Variants in PTPRT observed in about 807,000 individuals in gnomAD.
The protein encoded by PTPRT is receptor-type tyrosine-protein phosphatase T.
Under a neutral mutation model 176.8 loss-of-function variants are expected in PTPRT, and 56 were observed. The observed-to-expected ratio is 0.32, with a 90% CI of 0.26 to 0.40. The LOEUF (loss-of-function observed/expected upper bound fraction) is 0.40. Among genes scored for constraint, PTPRT ranks in the 10% least tolerant of loss-of-function variants. The probability of loss-of-function intolerance (pLI) is 1.00; values close to 1 mark genes in which losing one functional copy is unlikely to be tolerated. For missense variants in PTPRT, 1,540 were observed against 1,908.2 expected (o/e 0.81, Z 3.60); for synonymous variants, 783 against 739.0 (o/e 1.06, Z -0.96).
At chr20:42,363,493 A>G (rs2058469977) in intron 9 of PTPRT, among the ~76,000 whole-genome samples, 2 of 150,848 alleles carry the variant, frequency 1.3e-5, no homozygotes, top group African/African-American at 4.9e-5. Flanking sequence ...TATTTTTAGT[A>G]GAGACGGGGT....
chr20:42,479,635 T>C (rs2071350131), intron 7 of PTPRT, among the ~76,000 whole-genome samples: 1 of 152,254 alleles, frequency 6.6e-6, no homozygotes, highest in African/African-American at 2.4e-5. Context: ...GACAAGAATT[T>C]GTTGAATACT....
At chr20:42,037,862 T>A in the PTPRT span, among the ~76,000 whole-genome samples, 1 of 152,154 alleles carries the variant, frequency 6.6e-6, no homozygotes, top group South Asian at 2.1e-4. Context: ...TTGCTTCAGC[T>A]CCTCTGCTGT....
At chr20:42,823,329 T>G (rs1356064094) in intron 2 of PTPRT, among the ~76,000 whole-genome samples, 3 of 151,146 alleles carry the variant, frequency 2.0e-5, no homozygotes, top group Non-Finnish European at 4.4e-5. Context: ...TAAGTGGGAG[T>G]TGAACACTGA....
chr20:42,744,640 AAT>A (rs148024752), intron 6 of PTPRT, among the ~76,000 whole-genome samples: 268 of 152,290 alleles, frequency 1.8e-3, no homozygotes, highest in Non-Finnish European at 2.7e-3. Context: ...TTAACACAAT[AAT>A]AGTTTATTAT....
At chr20:42,401,188 T>C (rs2058903632) in intron 9 of PTPRT, among the ~76,000 whole-genome samples, 1 of 151,748 alleles carries the variant, frequency 6.6e-6, no homozygotes, top group African/African-American at 2.4e-5. Context: ...TTTAAAAAAG[T>C]CTCTATCGGG....
chr20:42,401,274 C>T (rs1354192140), intron 9 of PTPRT, among the ~76,000 whole-genome samples: 3 of 152,098 alleles, frequency 2.0e-5, no homozygotes, highest in Non-Finnish European at 4.4e-5. Context: ...TCACTCTCCA[C>T]CATCTCTTCT....
intron 1 of PTPRT, among the ~76,000 whole-genome samples, chr20:43,021,991 A>C (rs543881648): frequency 6.6e-6 from 1 of 152,268 alleles, no homozygotes; most frequent in East Asian, 1.9e-4. Context: ...GGTATGAGCT[A>C]CTGAGTTGGC....
At position 42,475,369 on chromosome 20, in the gene PTPRT, A is replaced by C. The variant is rs62204917; in HGVS notation, c.1154-2807T>G. Among the ~76,000 whole-genome samples, 1,206 of 152,306 alleles carry C rather than the reference A, an allele frequency of 7.9e-3. 10 individuals carry two copies. Among genetic ancestry groups the C allele is most frequent in the Middle Eastern group, 0.014 (4 of 294 alleles). ...CTATCAGTTGCACTCTCTATGTTGAAAATCTCACTACCTGGGAGGAAGGCA... is the reference window on the plus strand; with the variant it reads ...CTATCAGTTGCACTCTCTATGTTGACAATCTCACTACCTGGGAGGAAGGCA... On this transcript the variant is annotated intron_variant, in intron 7 of 30. Transcript: ENST00000373187.
chr20:42,917,784 G>C (rs1205868515), intron 1 of PTPRT, among the ~76,000 whole-genome samples: 1 of 152,150 alleles, frequency 6.6e-6, no homozygotes, highest in Non-Finnish European at 1.5e-5. Flanking sequence ...AACTAGTGAG[G>C]AATGAGCGAA....
intron 1 of PTPRT, among the ~76,000 whole-genome samples, chr20:43,023,944 C>A (rs1985809964): frequency 6.6e-6 from 1 of 152,120 alleles, no homozygotes; most frequent in South Asian, 2.1e-4. Context: ...CCAGGGATGC[C>A]TAATGCCCCT....
chr20:42,408,703 A>G (rs528698171), intron 9 of PTPRT, among the ~76,000 whole-genome samples: 1 of 152,332 alleles, frequency 6.6e-6, no homozygotes, highest in South Asian at 2.1e-4. Flanking sequence ...TGCAATACAA[A>G]AATGAAATTA....
chr20:42,660,053 T>C (rs985618572), intron 7 of PTPRT, among the ~76,000 whole-genome samples: 3 of 152,190 alleles, frequency 2.0e-5, no homozygotes, highest in Admixed American at 2.0e-4. Context: ...AGTGATCATC[T>C]GAATTAAGTC....
At chr20:42,050,934 C>T in the PTPRT span, among the ~76,000 whole-genome samples, 1 of 152,244 alleles carries the variant, frequency 6.6e-6, no homozygotes, top group African/African-American at 2.4e-5. Flanking sequence ...ATAGCCCTCC[C>T]TATTGAGAAA....
chr20:42,339,400 C>G (rs1161656834), intron 11 of PTPRT, among the ~76,000 whole-genome samples: 1 of 152,180 alleles, frequency 6.6e-6, no homozygotes. Flanking sequence ...GGAGCTAAAA[C>G]TGGTTATCCT....
intron 9 of PTPRT, among the ~76,000 whole-genome samples, chr20:42,358,189 A>G (rs1055102923): frequency 9.9e-5 from 15 of 151,850 alleles, no homozygotes; most frequent in African/African-American, 3.6e-4. Context: ...CATTAGGGAA[A>G]GTTGTATGAG....
intron 13 of PTPRT, among the ~76,000 whole-genome samples, chr20:42,253,142 G>C (rs2056576246): frequency 6.6e-6 from 1 of 152,198 alleles, no homozygotes; most frequent in African/African-American, 2.4e-5. Flanking sequence ...CAGAGGATGG[G>C]AGGGTCCCGC....
At chr20:42,873,506 A>T (rs1489896431) in intron 2 of PTPRT, among the ~76,000 whole-genome samples, 2 of 152,236 alleles carry the variant, frequency 1.3e-5, no homozygotes, top group Non-Finnish European at 2.9e-5. Context: ...ATTGACCAAT[A>T]GAAACACAAT....
At chr20:42,539,089 G>A (rs1402912925) in intron 7 of PTPRT, among the ~76,000 whole-genome samples, 1 of 152,168 alleles carries the variant, frequency 6.6e-6, no homozygotes, top group Non-Finnish European at 1.5e-5. Context: ...GGACCTCAGA[G>A]TCAGGGATCA....
intron 1 of PTPRT, among the ~76,000 whole-genome samples, chr20:43,138,504 T>C (rs2013904677): frequency 6.6e-6 from 1 of 152,172 alleles, no homozygotes. Flanking sequence ...CCCCACAGGG[T>C]TACTGTGAGG....
Sources: gnomAD v4.1 joint callset for allele counts (sites outside exome capture counted in the v4.1 genomes callset) on GRCh38, gnomAD v4.1.1 for gene constraint, MANE v1.5 for transcripts, NCBI Gene and HGNC (gene_info 2026-07-23, HGNC 2026-07-21) for gene names.